The following GRM6 variants were observed in gnomAD, a reference collection of about 807,000 sequenced individuals.
The protein encoded by GRM6 is metabotropic glutamate receptor 6.
Under a neutral mutation model 78.4 loss-of-function variants are expected in GRM6, and 73 were observed. The observed-to-expected ratio is 0.93, with a 90% CI of 0.77 to 1.13. The LOEUF (loss-of-function observed/expected upper bound fraction) is 1.13, where lower values mean the gene tolerates loss of function less well. Ranked by LOEUF, GRM6 falls within the 50% of genes most tolerant of loss-of-function variation. The pLI, the probability that GRM6 is intolerant of heterozygous loss-of-function variation, is 0.00. For synonymous variants in GRM6, 580 were observed against 555.0 expected, an observed-to-expected ratio of 1.05 and a Z score of -0.63; for missense variants, 1,251 against 1,256.4, an observed-to-expected ratio of 1.00 and a Z score of 0.07.
Position 178,986,526 on chromosome 5 carries a change from C to T in GRM6, c.1728G>A (p.Val576=). 6.2e-7 allele frequency: 1 copy of T among 1,608,684 alleles called. No homozygotes were observed. Among genetic ancestry groups the T allele is most frequent in the Non-Finnish European group, 8.5e-7 (1 of 1,178,626 alleles). ...PNHTGCRPTP[V]VRLSWSSPWA... ...AGGGGGAGGACCAGCTCAGGCGCACCACAGGTGTGGGGCGGCAGCCCGTGT... is the reference window on the plus strand; with the variant it reads ...AGGGGGAGGACCAGCTCAGGCGCACTACAGGTGTGGGGCGGCAGCCCGTGT... The change falls in exon 9 of 11, where the codon GTG becomes GTA. Residue 576 remains valine (V), a synonymous_variant. Transcript: ENST00000517717.
At chr5:178,989,476 C>A in intron 5 of GRM6, 71 bp from the exon 6 acceptor site, 2 of 1,595,218 alleles carry the variant, frequency 1.3e-6, no homozygotes, top group Non-Finnish European at 1.7e-6. Context: ...GTCTCTCTGC[C>A]ACTTGCTCAC....
At position 178,991,468 on chromosome 5, in the gene GRM6, G is replaced by A; in HGVS notation, c.813C>T (p.Pro271=). ...SKVIRRLMET[P]NARGIIIFAN... is the part of the protein sequence containing the mutation. The stretch of plus-strand genomic sequence containing the variant: ...CAAAGATGATGATGCCCCGGGCGTT[G>A]GGCGTCTCCATGAGTCTCCTGATCA... Residue 271 remains proline, a synonymous_variant, in exon 4 of 11, where the codon CCC becomes CCT. Transcript: ENST00000517717. The surrounding 1 kb of genome is among the most constrained non-coding windows in gnomAD (Gnocchi z 5.0). 6.2e-7 allele frequency: 1 copy of A among 1,613,498 alleles called. No individual in the cohort carries two copies. Among genetic ancestry groups the A allele is most frequent in the Non-Finnish European group, 8.5e-7 (1 of 1,179,684 alleles).
rs949915935 is a variant in GRM6 at position 178,983,670 on chromosome 5, A to G, written c.2125-449T>C. The G allele has an allele frequency of 3.4e-5, 12 of 358,012 alleles. No homozygotes were observed. The Admixed American group carries it at 4.5e-4, about 14-fold the overall frequency. 22.2% of individuals were successfully genotyped at this position (358,012 alleles called of 1,614,324 possible). On this transcript the variant is annotated intron_variant, in intron 9 of 10. Coordinates refer to ENST00000517717, the MANE Select transcript of GRM6 (RefSeq NM_000843.4). ...CTGAGCTTCAAAATCAGGGCACGCC[A>G]CAGGCAAGAGAAACAAAGGAGCACT...
chr5:178,981,530 G>A lies in GRM6; in HGVS notation c.*127C>T, dbSNP rs879550882. 5.6e-5 allele frequency: 40 copies of A among 711,166 alleles called. No individual in the cohort carries two copies. In the Admixed American group the frequency reaches 9.3e-4, roughly 16 times the overall value. 44.1% of individuals were successfully genotyped at this position (711,166 alleles called of 1,614,324 possible). On this transcript the variant is annotated 3_prime_UTR_variant, in exon 11 of 11. Coordinates refer to ENST00000517717, the MANE Select transcript of GRM6 (RefSeq NM_000843.4). This position sits in a 1 kb window ranked among gnomAD's most constrained non-coding sequence, Gnocchi z 5.1. The stretch of plus-strand genomic sequence containing the variant: ...TTCTCAAGGCCAGCCCCACCGACGC[G>A]GAGCATGGTCTTGGCAAACTCCCTG...
In GRM6 at chr5:178,991,021, C is replaced by T. The variant is rs1464340222; in HGVS notation, c.858-275G>A. Among the ~76,000 whole-genome samples the T allele has an allele frequency of 1.3e-5, 2 of 152,162 alleles. No homozygotes were observed. Among genetic ancestry groups the T allele is most frequent in the African/African-American group, 2.4e-5 (1 of 41,432 alleles). On this transcript the variant is annotated intron_variant, in intron 4 of 10. Transcript: ENST00000517717. The surrounding 1 kb of genome is among the most constrained non-coding windows in gnomAD (Gnocchi z 5.0). ...CCAGTTCGAAGCCAGCCCCTCCCCA[C>T]ATGCCTCCACCAGCGTCACACCCAG...
chr5:178,994,968 G>T lies in GRM6; in HGVS notation c.-16-8C>A. On this transcript the variant is annotated splice_polypyrimidine_tract_variant and splice_region_variant and intron_variant, in intron 1 of 10. Transcript: ENST00000517717. ...ATCGGCTCGTCTAGCGGGCTGCGGG[G>T]AGACAGAGGGGCGGGGAGCGCTCTG... is the stretch of plus-strand genomic sequence containing the variant. 2 of 1,153,880 alleles carry T rather than the reference G, an allele frequency of 1.7e-6. No individual in the cohort carries two copies. Among genetic ancestry groups the T allele is most frequent in the Non-Finnish European group, 2.1e-6 (2 of 937,170 alleles). 71.5% of individuals were successfully genotyped at this position (1,153,880 alleles called of 1,614,324 possible).
chr5:178,984,756 C>G (rs1454426398), intron 9 of GRM6, among the ~76,000 whole-genome samples: 1 of 152,180 alleles, frequency 6.6e-6, no homozygotes, highest in Non-Finnish European at 1.5e-5. Context: ...CGGAGAACTG[C>G]ATGACCCGAG....
At chr5:178,993,292 C>T (rs1367090267) in intron 2 of GRM6, among the ~76,000 whole-genome samples, 1 of 152,158 alleles carries the variant, frequency 6.6e-6, no homozygotes, top group Non-Finnish European at 1.5e-5. Context: ...CCCCTGAAGG[C>T]CTTGGGGTCT....
At chr5:178,983,514 T>G in intron 9 of GRM6, 1 of 616,654 alleles carries the variant, frequency 1.6e-6, no homozygotes, top group South Asian at 1.5e-5. Context: ...AAGGGGCAGC[T>G]TGGTGTCCTC....
At position 178,982,932 on chromosome 5, in the gene GRM6, C is replaced by G; in HGVS notation, c.2414G>C (p.Gly805Ala). The stretch of plus-strand genomic sequence containing the variant: ...TACCTTTTCAGCTGACTGGGCAGTG[C>G]CAAAGAAGATGGGCACGAATGCCAG... Reference protein sequence around the residue: ...IWLAFVPIFFGTAQSAEKIYI... With the variant: ...IWLAFVPIFFATAQSAEKIYI... The change falls in exon 10 of 11, where the codon GGC becomes GCC. Residue 805 changes from glycine to alanine, a missense_variant. Transcript: ENST00000517717. 6.2e-7 allele frequency: 1 copy of G among 1,614,030 alleles called. No homozygotes were observed. Among genetic ancestry groups the G allele is most frequent in the Non-Finnish European group, 8.5e-7 (1 of 1,179,882 alleles).
intron 9 of GRM6, chr5:178,985,865 G>C (rs553333357): frequency 1.8e-6 from 1 of 552,774 alleles, no homozygotes; most frequent in Non-Finnish European, 3.3e-6. Context: ...GGGCTCAAGC[G>C]ATCCTCCTAT....
chr5:178,995,239 C>T (rs1198323929), intron 1 of GRM6, 37 bp downstream of exon 1: 1 of 162,302 alleles, frequency 6.2e-6, no homozygotes, highest in Non-Finnish European at 1.3e-5. Context: ...GGGTCCATCC[C>T]CAGCGCACAC....
rs572341483 is a variant in GRM6, at chr5:178,983,194, C to T, written c.2152G>A (p.Ala718Thr). ...TCAATCACGCTGTGTGGGGGCCGGG[C>T]CCCCAGCCATGCTATCATCCCCACC... ...QVVGMIAWLG[A>T]RPPHSVIDYE... Residue 718 changes from alanine (A) to threonine (T), a missense_variant, in exon 10 of 11, where the codon GCC becomes ACC. Physicochemically the swap from Ala to Thr is moderately conservative, Grantham distance 58. Transcript: ENST00000517717. 5.6e-6 allele frequency: 9 copies of T among 1,612,478 alleles called. No individual in the cohort carries two copies. Among genetic ancestry groups the T allele is most frequent in the African/African-American group, 1.3e-5 (1 of 74,930 alleles).
Position 178,986,130 on chromosome 5 carries a change from C to T in GRM6, c.2124G>A (p.Gln708=). 6.2e-7 allele frequency: 1 copy of T among 1,613,208 alleles called. No individual in the cohort carries two copies. The highest frequency in any genetic ancestry group is 8.5e-7 in the Non-Finnish European group (1 of 1,179,630). Residue 708 remains glutamine, a splice_region_variant and synonymous_variant, in exon 9 of 11, where the codon CAG becomes CAA. Coordinates refer to ENST00000517717, the MANE Select transcript of GRM6 (RefSeq NM_000843.4). ...GGCCCTTGGGAGCCTACGGACCCAC[C>T]TGCAGGGAGGTGAGGCTGAAGGTGA... ...LVITFSLTSL[Q]VVGMIAWLGA...
At position 178,991,924 on chromosome 5, in the gene GRM6, C is replaced by T. The variant is rs62638204; in HGVS notation, c.664G>A (p.Glu222Lys). Residue 222 changes from glutamate (E) to lysine (K), a missense_variant, in exon 3 of 11, where the codon GAG becomes AAG. Physicochemically the swap from Glu to Lys is moderately conservative, Grantham distance 56. Coordinates refer to ENST00000517717, the MANE Select transcript of GRM6 (RefSeq NM_000843.4). The surrounding 1 kb of genome is among the most constrained non-coding windows in gnomAD (Gnocchi z 5.0). ...GWNYVSTLAS[E>K]GNYGESGVEA... ...ACCCCACTTTCGCCATAGTTGCCCTCGGAGGCCAGCGTGGACACATAGTTC... is the reference window on the plus strand; with the variant it reads ...ACCCCACTTTCGCCATAGTTGCCCTTGGAGGCCAGCGTGGACACATAGTTC... 67 of 1,614,022 alleles carry T rather than the reference C, an allele frequency of 4.2e-5. No individual in the cohort carries two copies. The highest frequency in any genetic ancestry group is 5.5e-5 in the Non-Finnish European group (65 of 1,180,040).
Position 178,986,508 on chromosome 5 carries a change from G to A in GRM6, c.1746C>T (p.Ser582=). 6.2e-7 allele frequency: 1 copy of A among 1,609,304 alleles called. No individual in the cohort carries two copies. The highest frequency in any genetic ancestry group is 1.1e-5 in the South Asian group (1 of 90,956). The part of the protein sequence containing the change: ...RPTPVVRLSW[S]SPWAAPPLLL... ...GGAGCGGCGGGGCTGCCCAGGGGGAGGACCAGCTCAGGCGCACCACAGGTG... is the reference window on the plus strand; with the variant it reads ...GGAGCGGCGGGGCTGCCCAGGGGGAAGACCAGCTCAGGCGCACCACAGGTG... Residue 582 remains serine, a synonymous_variant, in exon 9 of 11, where the codon TCC becomes TCT. Coordinates refer to ENST00000517717, the MANE Select transcript of GRM6 (RefSeq NM_000843.4).
In GRM6 at chr5:178,983,031, G is replaced by A; in HGVS notation, c.2315C>T (p.Ala772Val). 6.2e-6 allele frequency: 10 copies of A among 1,614,030 alleles called. No individual in the cohort carries two copies. Among genetic ancestry groups the A allele is most frequent in the Non-Finnish European group, 8.5e-6 (10 of 1,179,864 alleles). The stretch of plus-strand genomic sequence containing the variant: ...GTTGAAGGTCTCGGGCACGCCACGG[G>A]CCTTGATGGCGTACACTGTGCACGT... The part of the protein sequence containing the change: ...MVTCTVYAIK[A>V]RGVPETFNEA... The change falls in exon 10 of 11, where the codon GCC becomes GTC. Residue 772 changes from alanine (A) to valine (V), a missense_variant. Transcript: ENST00000517717.
chr5:178,989,818 G>C, intron 5 of GRM6: 1 of 318,588 alleles, frequency 3.1e-6, no homozygotes, highest in East Asian at 8.0e-5. Flanking sequence ...TAAGCAGGAA[G>C]ACCCAAGGCA....
rs759644508 is a variant in GRM6 at position 178,986,629 on chromosome 5, G to A, written c.1625C>T (p.Ala542Val). ...KGVPCCWHCE[A>V]CDGYRFQVDE... ...CACCTGGAAGCGGTACCCGTCACAGGCCTCGCAGTGCCAACAGCAGGGGAC... is the reference window on the plus strand; with the variant it reads ...CACCTGGAAGCGGTACCCGTCACAGACCTCGCAGTGCCAACAGCAGGGGAC... The change falls in exon 9 of 11, where the codon GCC (alanine) becomes GTC (valine). Residue 542 changes from alanine to valine, a missense_variant. By Grantham distance (64) the Ala-to-Val change is moderately conservative (BLOSUM62 0). Transcript: ENST00000517717. 6.2e-7 allele frequency: 1 copy of A among 1,602,826 alleles called. No homozygotes were observed. Among genetic ancestry groups the A allele is most frequent in the Admixed American group, 1.7e-5 (1 of 60,030 alleles).
Sources: gnomAD v4.1 joint callset for allele counts (sites outside exome capture counted in the v4.1 genomes callset) on GRCh38, gnomAD v4.1.1 for gene constraint, Gnocchi (gnomAD v3.1) non-coding constraint, MANE v1.5 for transcripts, NCBI Gene and HGNC (gene_info 2026-07-23, HGNC 2026-07-21) for gene names.